Variants in SPATA13 observed in about 807,000 individuals in gnomAD.
SPATA13 encodes the protein spermatogenesis associated 13, also known as spermatogenesis-associated protein 13.
Under a neutral mutation model 104.0 loss-of-function variants are expected in SPATA13, and 50 were observed. The ratio of observed to expected loss-of-function variants is 0.48; its 90% confidence interval spans 0.38 to 0.61. SPATA13 has a LOEUF of 0.61. SPATA13 is among the 20% of genes least tolerant of loss of function. The pLI, the probability that SPATA13 is intolerant of heterozygous loss-of-function variation, is 0.00. For missense variants in SPATA13, 1,524 were observed against 1,690.6 expected (o/e 0.90, Z 1.73); for synonymous variants, 606 against 667.5 (o/e 0.91, Z 1.42).
intron 1 of SPATA13, among the ~76,000 whole-genome samples, chr13:23,980,260 A>G (rs1874819285): frequency 6.6e-6 from 1 of 152,064 alleles, no homozygotes; most frequent in Non-Finnish European, 1.5e-5. Flanking sequence ...GCGCCGGGGC[A>G]GTAGTTGCAC....
chr13:24,019,017 G>T (rs1876839923), intron 3 of SPATA13, among the ~76,000 whole-genome samples: 1 of 151,922 alleles, frequency 6.6e-6, no homozygotes, highest in African/African-American at 2.4e-5. Flanking sequence ...ATTAGAATTT[G>T]GTTGATATTC....
chr13:24,257,038 A>G (rs1204014064), intron 4 of SPATA13, among the ~76,000 whole-genome samples: 1 of 152,160 alleles, frequency 6.6e-6, no homozygotes, highest in East Asian at 1.9e-4. Context: ...CAGCCTACCT[A>G]AGCTCCTAAT....
At position 24,223,817 on chromosome 13, in the gene SPATA13, C is replaced by T. The variant is rs990490005; in HGVS notation, c.888C>T (p.Asp296=). ...PQRTLSSSST[D]SQKLGSGRTK... The stretch of plus-strand genomic sequence containing the variant: ...GGACCCTGAGCAGTTCCTCCACTGA[C>T]TCCCAAAAGCTTGGGTCAGGAAGGA... The change falls in exon 2 of 13, where the codon GAC becomes GAT. Residue 296 remains aspartate (D), a synonymous_variant. Coordinates refer to ENST00000382108, the MANE Select transcript of SPATA13 (RefSeq NM_001166271.3). The T allele has an allele frequency of 5.2e-6, 8 of 1,551,692 alleles. No homozygotes were observed. The African/African-American group carries it at 6.8e-5, about 13-fold the overall frequency.
intron 1 of SPATA13, among the ~76,000 whole-genome samples, chr13:24,213,967 A>G (rs1871159207): frequency 6.6e-6 from 1 of 152,228 alleles, no homozygotes. Flanking sequence ...TGGAGAAAAG[A>G]TACAGCTAAT....
At chr13:24,257,198 A>G (rs1873830791) in intron 4 of SPATA13, among the ~76,000 whole-genome samples, 1 of 152,156 alleles carries the variant, frequency 6.6e-6, no homozygotes, top group Admixed American at 6.5e-5. Flanking sequence ...CTTTCTACGT[A>G]TCTTGTCCAG....
At chr13:24,040,619 C>T (rs1877886181) in intron 3 of SPATA13, among the ~76,000 whole-genome samples, 1 of 152,030 alleles carries the variant, frequency 6.6e-6, no homozygotes, top group African/African-American at 2.4e-5. Context: ...CAAAGCCTGC[C>T]AAGCACCAAT....
intron 3 of SPATA13, among the ~76,000 whole-genome samples, chr13:24,020,516 G>C (rs1876929499): frequency 6.6e-6 from 1 of 152,262 alleles, no homozygotes; most frequent in Admixed American, 6.5e-5. Flanking sequence ...CCGTGAGAGG[G>C]AGCTGTTGAA....
intron 2 of SPATA13, among the ~76,000 whole-genome samples, chr13:24,014,836 G>A (rs1876633481): frequency 6.8e-6 from 1 of 147,278 alleles, no homozygotes; most frequent in African/African-American, 2.5e-5. Flanking sequence ...CCACAGGATT[G>A]CTGTAGTTCT....
chr13:24,154,330 C>T (rs1882194435), intron 3 of SPATA13, among the ~76,000 whole-genome samples: 1 of 152,016 alleles, frequency 6.6e-6, no homozygotes. Context: ...ATTCAAACAG[C>T]AGAATACTAC....
At chr13:24,222,438 CGTT>C (rs941604665) in intron 1 of SPATA13, among the ~76,000 whole-genome samples, 7 of 151,940 alleles carry the variant, frequency 4.6e-5, no homozygotes, top group African/African-American at 1.7e-4. Flanking sequence ...CTTTTGAAAT[CGTT>C]GTGAGGTTTT....
rs80020643 is a variant in SPATA13, at chr13:24,135,130, C to T, written c.-111-87689C>T. On this transcript the variant is annotated intron_variant, in intron 3 of 14. Transcript: ENST00000424834. ...ATCTCGAACTTCTCAACTCCAGAGC[C>T]GCAGGAAAATAAATTTCTATTGTAT... Among the ~76,000 whole-genome samples the T allele has an allele frequency of 5.2e-3, 787 of 152,154 alleles. 50 individuals are homozygous for T. In the East Asian group the frequency reaches 0.13, roughly 26 times the overall value.
chr13:24,201,677 G>A (rs1394596782), intron 1 of SPATA13, among the ~76,000 whole-genome samples: 3 of 152,178 alleles, frequency 2.0e-5, no homozygotes, highest in African/African-American at 7.2e-5. Flanking sequence ...TTGAGCTCAT[G>A]GTTCGCCCAC....
At chr13:24,228,007 C>A (rs1311514118) in intron 2 of SPATA13, among the ~76,000 whole-genome samples, 3 of 152,028 alleles carry the variant, frequency 2.0e-5, no homozygotes, top group Non-Finnish European at 4.4e-5. Flanking sequence ...CGGGTTCAAG[C>A]GATTCTTCCG....
exon 2 of SPATA13, chr13:23,983,796 T>C: frequency 1.3e-6 from 1 of 780,314 alleles, no homozygotes; most frequent in Non-Finnish European, 1.6e-6. Context: ...GGGTGACCTG[T>C]CTATCTGCAT....
intron 3 of SPATA13, among the ~76,000 whole-genome samples, chr13:24,093,496 A>G (rs889259232): frequency 2.0e-5 from 3 of 152,156 alleles, no homozygotes; most frequent in Non-Finnish European, 1.5e-5. Context: ...AATGGTCCCA[A>G]TACAGATGCA....
chr13:24,292,584 T>C (rs561807472), intron 9 of SPATA13, among the ~76,000 whole-genome samples: 1 of 152,298 alleles, frequency 6.6e-6, no homozygotes, highest in East Asian at 1.9e-4. Flanking sequence ...AGGAAATTTC[T>C]ATGGCAAACC....
At chr13:24,111,424 C>T (rs1237321579) in intron 3 of SPATA13, among the ~76,000 whole-genome samples, 1 of 151,190 alleles carries the variant, frequency 6.6e-6, no homozygotes, top group Non-Finnish European at 1.5e-5. Context: ...ACCCCCACCC[C>T]AGAAACAGAG....
intron 2 of SPATA13, among the ~76,000 whole-genome samples, chr13:24,002,657 T>G (rs1208909277): frequency 1.3e-5 from 2 of 152,096 alleles, no homozygotes; most frequent in Admixed American, 6.6e-5. Flanking sequence ...CTCCTTGGAA[T>G]AGGACTGCCG....
chr13:24,280,505 T>TC (rs2138719419), intron 4 of SPATA13, among the ~76,000 whole-genome samples: 1 of 151,830 alleles, frequency 6.6e-6, no homozygotes, highest in Admixed American at 6.6e-5. Context: ...TTTTTTTTTT[T>TC]TGGCTCAACC....
Sources: allele counts gnomAD v4.1 joint callset (sites outside exome capture counted in the v4.1 genomes callset), GRCh38; gene constraint gnomAD v4.1.1; transcripts MANE v1.5; gene names NCBI Gene and HGNC (gene_info 2026-07-23, HGNC 2026-07-21).